CNTN1: variants seen among roughly 807,000 people sequenced by gnomAD.
CNTN1 encodes contactin 1.
In CNTN1, 38 loss-of-function variants were observed where a neutral mutation model predicts 126.4. The ratio of observed to expected loss-of-function variants is 0.30; its 90% CI spans 0.23 to 0.39. The LOEUF (loss-of-function observed/expected upper bound fraction) is 0.39, where lower values mean the gene tolerates loss of function less well. Among genes scored for constraint, CNTN1 ranks in the 10% least tolerant of loss-of-function variants. The pLI is 1.00. For synonymous variants in CNTN1, 413 were observed against 422.6 expected (o/e 0.98, Z 0.28); for missense variants, 1,009 against 1,248.4 (o/e 0.81, Z 2.89).
chr12:40,769,701 T>C (rs1939259342), intron 1 of CNTN1, among the ~76,000 whole-genome samples: 1 of 152,174 alleles, frequency 6.6e-6, no homozygotes. Flanking sequence ...TGCATTAAAA[T>C]ATTATTTATC....
chr12:40,727,055 GTTC>G (rs1322401131), intron 1 of CNTN1, among the ~76,000 whole-genome samples: 3 of 148,788 alleles, frequency 2.0e-5, no homozygotes, highest in Non-Finnish European at 4.5e-5. Flanking sequence ...ACTTCCTCAT[GTTC>G]TTTTTTATTA....
chr12:40,937,531 A>C (rs570124721), intron 10 of CNTN1, 39 bp from the exon 11 acceptor site: 9 of 1,285,598 alleles, frequency 7.0e-6, no homozygotes, highest in Non-Finnish European at 7.9e-6. Flanking sequence ...ATTTCTATTA[A>C]AGTTCATTGA....
intron 1 of CNTN1, among the ~76,000 whole-genome samples, chr12:40,790,968 T>C (rs1482289437): frequency 6.6e-6 from 1 of 152,136 alleles, no homozygotes; most frequent in African/African-American, 2.4e-5. Flanking sequence ...CGTTTTAGTC[T>C]CAGCCACAGT....
At chr12:40,769,313 A>T (rs976896845) in intron 1 of CNTN1, among the ~76,000 whole-genome samples, 4 of 152,156 alleles carry the variant, frequency 2.6e-5, no homozygotes, top group Non-Finnish European at 5.9e-5. Context: ...GTGGGAGGGG[A>T]AGAATAACAT....
Position 40,959,159 on chromosome 12 carries a change from C to T in CNTN1, c.1729C>T (p.His577Tyr). ...ACTAATCCGAAATGCGCAGCTGAAA[C>T]ATGCTGGAAGATACACATGCACTGC... ...ELLIRNAQLKHAGRYTCTAQT... is the reference protein window; with the variant it reads ...ELLIRNAQLKYAGRYTCTAQT... The change falls in exon 15 of 24, where the codon CAT becomes TAT. Residue 577 changes from histidine (H) to tyrosine (Y), a missense_variant. Transcript: ENST00000551295. The T allele has an allele frequency of 1.2e-6, 2 of 1,612,726 alleles. No individual in the cohort carries two copies. Among genetic ancestry groups the T allele is most frequent in the East Asian group, 2.2e-5 (1 of 44,812 alleles).
intron 1 of CNTN1, among the ~76,000 whole-genome samples, chr12:40,702,514 G>A (rs953459849): frequency 6.6e-6 from 1 of 151,890 alleles, no homozygotes; most frequent in Non-Finnish European, 1.5e-5. Context: ...GTGCGATCTC[G>A]GCTCCCCGCA....
intron 1 of CNTN1, among the ~76,000 whole-genome samples, chr12:40,841,527 A>G (rs1200185013): frequency 6.6e-6 from 1 of 152,098 alleles, no homozygotes; most frequent in Non-Finnish European, 1.5e-5. Flanking sequence ...AAAAATCTGC[A>G]ACAAAACACT....
At chr12:41,038,494 T>C (rs1348491701) in intron 23 of CNTN1, among the ~76,000 whole-genome samples, 1 of 152,060 alleles carries the variant, frequency 6.6e-6, no homozygotes, top group Non-Finnish European at 1.5e-5. Flanking sequence ...TTCTTCTTCT[T>C]ATAAGGACTG....
At chr12:40,796,533 T>C (rs1940438009) in intron 1 of CNTN1, among the ~76,000 whole-genome samples, 1 of 152,032 alleles carries the variant, frequency 6.6e-6, no homozygotes, top group Admixed American at 6.6e-5. Flanking sequence ...CAAAAAGTAC[T>C]GTACTAGAAC....
At chr12:40,962,529 A>G (rs995022841) in intron 15 of CNTN1, among the ~76,000 whole-genome samples, 2 of 152,070 alleles carry the variant, frequency 1.3e-5, no homozygotes, top group Non-Finnish European at 2.9e-5. Flanking sequence ...ACTGAGAGAA[A>G]ACACTCCCGC....
At chr12:40,983,579 A>G (rs1228323881) in intron 16 of CNTN1, among the ~76,000 whole-genome samples, 1 of 151,756 alleles carries the variant, frequency 6.6e-6, no homozygotes, top group Non-Finnish European at 1.5e-5. Flanking sequence ...TCAAACACAT[A>G]CATACTTAAT....
intron 23 of CNTN1, among the ~76,000 whole-genome samples, chr12:41,068,087 T>G (rs948862067): frequency 1.3e-5 from 2 of 152,194 alleles, no homozygotes; most frequent in African/African-American, 4.8e-5. Context: ...TTGCTAAAGC[T>G]ACCTGCAAGA....
At chr12:40,801,612 T>C (rs1276108560) in intron 1 of CNTN1, among the ~76,000 whole-genome samples, 1 of 151,808 alleles carries the variant, frequency 6.6e-6, no homozygotes, top group African/African-American at 2.4e-5. Flanking sequence ...AGCGTAAGTT[T>C]CATAATTTGG....
intron 1 of CNTN1, among the ~76,000 whole-genome samples, chr12:40,879,802 A>G (rs913233629): frequency 3.9e-5 from 6 of 152,100 alleles, no homozygotes; most frequent in Non-Finnish European, 7.4e-5. Context: ...TACTTGTGTT[A>G]TGACTTTTGC....
At position 40,906,669 on chromosome 12, in the gene CNTN1, C is replaced by T. The variant is rs1179988361; in HGVS notation, c.-76-1688C>T. On this transcript the variant is annotated intron_variant, in intron 1 of 23. Transcript: ENST00000551295. Reference sequence around the variant, plus strand: ...TTTCCTTTTAAAATTGTTTTTCATGCTTTTTTTTTGTTTTGTTTTTTTTGA... The same window carrying T: ...TTTCCTTTTAAAATTGTTTTTCATGTTTTTTTTTTGTTTTGTTTTTTTTGA... Among the ~76,000 whole-genome samples the T allele has an allele frequency of 1.6e-4, 17 of 107,254 alleles. 1 individual carries two copies. The highest frequency in any genetic ancestry group is 2.5e-4 in the East Asian group (1 of 3,954). 70.4% of individuals were successfully genotyped at this position (107,254 alleles called of 152,430 possible). A position where few individuals can be genotyped will look rare whatever the true frequency, so the allele number is the denominator to read the frequency against.
chr12:40,849,225 G>T (rs1319861826), intron 1 of CNTN1, among the ~76,000 whole-genome samples: 3 of 152,146 alleles, frequency 2.0e-5, no homozygotes, highest in African/African-American at 7.2e-5. Context: ...TCCCTGAACT[G>T]CTTATAATCT....
chr12:40,872,777 GTC>G (rs1555171847), intron 1 of CNTN1, among the ~76,000 whole-genome samples: 1 of 151,666 alleles, frequency 6.6e-6, no homozygotes, highest in Non-Finnish European at 1.5e-5. Context: ...GGTCAGGCTG[GTC>G]TCGAACTCCT....
intron 1 of CNTN1, among the ~76,000 whole-genome samples, chr12:40,743,821 T>G (rs1938051262): frequency 6.6e-6 from 1 of 152,148 alleles, no homozygotes; most frequent in African/African-American, 2.4e-5. Flanking sequence ...TTTGCTTTGG[T>G]TGCAATTGCT....
chr12:41,071,349 G>A lies in CNTN1; in HGVS notation c.*1314G>A, dbSNP rs1950156629. The A allele has an allele frequency of 6.6e-6, 1 of 152,176 alleles. No homozygotes were observed. Among genetic ancestry groups the A allele is most frequent in the Non-Finnish European group, 1.5e-5 (1 of 68,008 alleles). The allele number at this position is 152,176 out of a possible 1,614,324, so 9.4% of individuals were successfully genotyped here. ...CATGGAAATGTGTTTGAGTGTGGAT[G>A]TAAAAGAAATCGAGTAATAAAGAAT... is the stretch of plus-strand genomic sequence containing the variant. On this transcript the variant is annotated 3_prime_UTR_variant, in exon 24 of 24. Transcript: ENST00000551295.
Sources: allele counts gnomAD v4.1 joint callset (sites outside exome capture counted in the v4.1 genomes callset), GRCh38; gene constraint gnomAD v4.1.1; transcripts MANE v1.5; gene names NCBI Gene and HGNC (gene_info 2026-07-23, HGNC 2026-07-21).